AVEN: variants seen among roughly 807,000 people sequenced by gnomAD.
AVEN encodes apoptosis and caspase activation inhibitor, also known as cell death regulator Aven.
A neutral mutation model predicts 38.1 loss-of-function variants in AVEN; 41 were observed. That is an observed-to-expected ratio of 1.08 (90% confidence interval 0.84 to 1.40). The LOEUF is 1.40. AVEN is among the 40% of genes most tolerant of loss of function. The pLI is 0.00. For missense variants in AVEN, 605 were observed against 438.8 expected (o/e 1.38, Z -3.38); for synonymous variants, 206 against 171.8 (o/e 1.20, Z -1.56).
In AVEN at chr15:34,030,622, C is replaced by G. The variant is rs138640913; in HGVS notation, c.267+8158G>C. On this transcript the variant is annotated intron_variant, in intron 1 of 5. Transcript: ENST00000306730. Reference sequence around the variant, plus strand: ...GGATTACAGGTGTGAGCCACCACGCCCAGCCTGGTTTGGGGGGTTTTGTTG... The same window carrying G: ...GGATTACAGGTGTGAGCCACCACGCGCAGCCTGGTTTGGGGGGTTTTGTTG... Among the ~76,000 whole-genome samples the G allele has an allele frequency of 4.1e-4, 62 of 151,936 alleles. 1 individual carries two copies. The East Asian group carries it at 0.011, about 28-fold the overall frequency.
At chr15:33,865,258 C>A, downstream of AVEN, 2 of 1,484,832 alleles carry the variant, frequency 1.3e-6, no homozygotes, top group Admixed American at 3.5e-5. Flanking sequence ...CAATTCTGGA[C>A]AGTCAACTTC....
intron 2 of AVEN, among the ~76,000 whole-genome samples, chr15:33,948,612 G>A (rs1894598188): frequency 6.6e-6 from 1 of 152,116 alleles, no homozygotes; most frequent in Non-Finnish European, 1.5e-5. Flanking sequence ...ACTACAGCAG[G>A]AGTTTGAGAA....
chr15:33,892,100 G>A (rs1314416708), intron 2 of AVEN, among the ~76,000 whole-genome samples: 1 of 152,070 alleles, frequency 6.6e-6, no homozygotes, highest in Admixed American at 6.5e-5. Flanking sequence ...AAATTTGTTT[G>A]AGTTATTTGT....
chr15:33,935,240 T>C (rs1300820768), intron 2 of AVEN, among the ~76,000 whole-genome samples: 2 of 152,188 alleles, frequency 1.3e-5, no homozygotes, highest in South Asian at 4.1e-4. Flanking sequence ...TTTCAAGACG[T>C]GGAAAATTCG....
chr15:33,971,509 T>C (rs144664537), intron 2 of AVEN, among the ~76,000 whole-genome samples: 1,778 of 152,194 alleles, frequency 0.012, 35 homozygotes, highest in African/African-American at 0.04. Flanking sequence ...ATCCATTTCG[T>C]GTATGTTGAC....
At chr15:33,854,485 C>T (rs1237684705), downstream of AVEN, 1 of 1,508,366 alleles carries the variant, frequency 6.6e-7, no homozygotes, top group Non-Finnish European at 9.0e-7. Flanking sequence ...AATTCTATAC[C>T]CCAGTTCAGG....
intron 4 of AVEN, 56 bp from the exon 5 acceptor site, chr15:33,867,911 A>C (rs897806333): frequency 6.6e-7 from 1 of 1,514,330 alleles, no homozygotes; most frequent in Non-Finnish European, 8.8e-7. Flanking sequence ...ATATTGGCTT[A>C]AGTAAATACA....
chr15:33,995,877 C>T (rs1047283409), intron 2 of AVEN, among the ~76,000 whole-genome samples: 10 of 152,212 alleles, frequency 6.6e-5, no homozygotes, highest in Non-Finnish European at 1.3e-4. Flanking sequence ...CGGGGCGGGG[C>T]GCTGCCTCAC....
intron 2 of AVEN, among the ~76,000 whole-genome samples, chr15:33,941,344 A>G (rs1049889058): frequency 6.6e-6 from 1 of 152,104 alleles, no homozygotes; most frequent in Non-Finnish European, 1.5e-5. Context: ...TCAAAGAATC[A>G]TTTATCTATT....
intron 2 of AVEN, among the ~76,000 whole-genome samples, chr15:33,971,503 A>C (rs531401949): frequency 6.6e-6 from 1 of 152,164 alleles, no homozygotes; most frequent in Non-Finnish European, 1.5e-5. Context: ...GAACACATCC[A>C]TTTCGTGTAT....
chr15:33,853,178 T>G, the AVEN span: 5 of 1,092,972 alleles, frequency 4.6e-6, no homozygotes, highest in Non-Finnish European at 6.5e-6. Flanking sequence ...TGAGTAAATG[T>G]GATGCTACTT....
intron 2 of AVEN, among the ~76,000 whole-genome samples, chr15:33,963,362 T>C (rs778133339): frequency 2.0e-5 from 3 of 152,162 alleles, no homozygotes; most frequent in Non-Finnish European, 4.4e-5. Flanking sequence ...TTATCTGATA[T>C]AAAGCAAAAT....
chr15:34,021,788 G>A (rs1898211345), intron 1 of AVEN, among the ~76,000 whole-genome samples: 1 of 152,116 alleles, frequency 6.6e-6, no homozygotes, highest in Non-Finnish European at 1.5e-5. Flanking sequence ...CCAGGAGGTG[G>A]AGGTTGCAGT....
downstream of AVEN, chr15:33,853,793 C>T: frequency 7.2e-7 from 1 of 1,395,600 alleles, no homozygotes; most frequent in African/African-American, 1.4e-5. Context: ...TGTGGTCTGG[C>T]TTAGGTGTTT....
chr15:33,861,880 C>T (rs1042126721), downstream of AVEN, among the ~76,000 whole-genome samples: 5 of 152,168 alleles, frequency 3.3e-5, no homozygotes, highest in Admixed American at 6.5e-5. Context: ...CTGCCTCGGC[C>T]TCTCAGTGCT....
intron 2 of AVEN, among the ~76,000 whole-genome samples, chr15:33,889,995 C>G (rs1354172474): frequency 5.3e-5 from 8 of 152,216 alleles, no homozygotes; most frequent in Admixed American, 2.0e-4. Context: ...CCAAACTTCA[C>G]AGAAAACCAA....
At chr15:33,865,890 TTA>T (rs1349668367), downstream of AVEN, 2 of 152,466 alleles carry the variant, frequency 1.3e-5, no homozygotes, top group African/African-American at 4.8e-5. Context: ...CACTTGAAGG[TTA>T]TTCATACAAG....
chr15:33,899,468 T>C (rs1324100420), intron 2 of AVEN, among the ~76,000 whole-genome samples: 4 of 22,480 alleles, frequency 1.8e-4, no homozygotes, highest in Non-Finnish European at 6.1e-4. Flanking sequence ...ACCTTTTTTT[T>C]TTTTTTTTTT....
At chr15:33,990,069 T>C (rs1597320152) in intron 2 of AVEN, among the ~76,000 whole-genome samples, 1 of 151,364 alleles carries the variant, frequency 6.6e-6, no homozygotes, top group East Asian at 1.9e-4. Context: ...CCGGGCGTGG[T>C]GGTGGGCGCC....
Sources: allele counts gnomAD v4.1 joint callset (sites outside exome capture counted in the v4.1 genomes callset), GRCh38; gene constraint gnomAD v4.1.1; transcripts MANE v1.5; gene names NCBI Gene and HGNC (gene_info 2026-07-23, HGNC 2026-07-21).